TSHR: variants seen among roughly 807,000 people sequenced by gnomAD.
TSHR encodes the protein thyroid stimulating hormone receptor.
In TSHR, 51 loss-of-function variants were observed where a neutral mutation model predicts 64.1. That is an observed-to-expected ratio of 0.80 (90% CI 0.64 to 1.01). TSHR has a LOEUF of 1.01. Ranked by LOEUF, TSHR falls within the 50% of genes least tolerant of loss-of-function variation. The probability of loss-of-function intolerance (pLI) is 0.00; values close to 1 mark genes in which losing one functional copy is unlikely to be tolerated. For missense variants in TSHR, 877 were observed against 942.8 expected (o/e 0.93, Z 0.91); for synonymous variants, 361 against 361.9 (o/e 1.00, Z 0.03).
chr14:81,109,741 C>T (rs1362945584), intron 8 of TSHR, among the ~76,000 whole-genome samples: 1 of 152,174 alleles, frequency 6.6e-6, no homozygotes, highest in Non-Finnish European at 1.5e-5. Context: ...GTTCTCTTAA[C>T]ACATACGCTC....
intron 1 of TSHR, among the ~76,000 whole-genome samples, chr14:80,969,749 C>T (rs998118691): frequency 2.0e-5 from 3 of 152,114 alleles, no homozygotes; most frequent in Admixed American, 6.6e-5. Flanking sequence ...TGAGATTCAC[C>T]GCAAACCAGA....
rs1486682776 is a variant in TSHR, at chr14:81,139,801, T to C, written c.815T>C (p.Leu272Pro). The change falls in exon 9 of 10, where the codon CTC becomes CCC. Residue 272 changes from leucine to proline, a missense_variant. Coordinates refer to ENST00000298171, the MANE Select transcript of TSHR (RefSeq NM_000369.5). Reference sequence around the variant, plus strand: ...CCACTTTCCTTGAGTTTCCTTCACCTCACACGGGCTGACCTTTCTTACCCA... The same window carrying C: ...CCACTTTCCTTGAGTTTCCTTCACCCCACACGGGCTGACCTTTCTTACCCA... ...KLPLSLSFLHLTRADLSYPSH... is the reference protein window; with the variant it reads ...KLPLSLSFLHPTRADLSYPSH... The C allele has an allele frequency of 1.2e-6, 2 of 1,614,176 alleles. No individual in the cohort carries two copies. The highest frequency in any genetic ancestry group is 1.7e-6 in the Non-Finnish European group (2 of 1,180,044).
Position 81,139,790 on chromosome 14 carries a change from T to A in TSHR, c.804T>A (p.Ser268Arg). ...TTAAGAAACTTCCACTTTCCTTGAG[T>A]TTCCTTCACCTCACACGGGCTGACC... ...WTLKKLPLSL[S>R]FLHLTRADLS... Residue 268 changes from serine (S) to arginine (R), a missense_variant, in exon 9 of 10, where the codon AGT (serine) becomes AGA (arginine). Ser to Arg is a moderately radical substitution (Grantham distance 110, BLOSUM62 -1). Transcript: ENST00000298171. 1 of 1,614,128 alleles carries A rather than the reference T, an allele frequency of 6.2e-7. No individual in the cohort carries two copies. The highest frequency in any genetic ancestry group is 8.5e-7 in the Non-Finnish European group (1 of 1,180,028).
At chr14:81,115,161 C>T (rs1365160557) in intron 8 of TSHR, among the ~76,000 whole-genome samples, 23 of 152,124 alleles carry the variant, frequency 1.5e-4, no homozygotes, top group Non-Finnish European at 2.2e-4. Flanking sequence ...TCACCAGCAA[C>T]GGAACAAAGC....
chr14:81,049,154 A>G (rs1441887141), intron 1 of TSHR, among the ~76,000 whole-genome samples: 1 of 152,164 alleles, frequency 6.6e-6, no homozygotes, highest in African/African-American at 2.4e-5. Flanking sequence ...TATAGTTATT[A>G]AAGTGAGATT....
intron 8 of TSHR, among the ~76,000 whole-genome samples, chr14:81,132,245 G>A (rs1891278975): frequency 6.6e-6 from 1 of 152,142 alleles, no homozygotes; most frequent in South Asian, 2.1e-4. Flanking sequence ...CTACTTTCAT[G>A]ACAAGCAAAC....
chr14:80,984,770 T>C (rs1888351625), intron 1 of TSHR, among the ~76,000 whole-genome samples: 1 of 152,248 alleles, frequency 6.6e-6, no homozygotes, highest in East Asian at 1.9e-4. Flanking sequence ...AGATGGATTT[T>C]ATCTGGCAGT....
intron 1 of TSHR, among the ~76,000 whole-genome samples, chr14:81,000,776 G>GT (rs139686349): frequency 0.12 from 18,244 of 152,134 alleles, 1,386 homozygotes; most frequent in East Asian, 0.38. Context: ...TCTAAGGTTT[G>GT]TTTTTCCCTT....
At chr14:81,072,516 G>T (rs955367492) in intron 3 of TSHR, among the ~76,000 whole-genome samples, 5 of 151,978 alleles carry the variant, frequency 3.3e-5, no homozygotes, top group Non-Finnish European at 7.4e-5. Flanking sequence ...GTGGGGAATG[G>T]AATGAAATTA....
rs533357759 is a variant in TSHR at position 81,068,537 on chromosome 14, A to T, written c.317+209A>T. 9 of 548,866 alleles carry T rather than the reference A, an allele frequency of 1.6e-5. 1 individual carries two copies. Among genetic ancestry groups the T allele is most frequent in the Middle Eastern group, 2.9e-4 (1 of 3,442 alleles). The allele number at this position is 548,866 out of a possible 1,614,324, so 34.0% of individuals were successfully genotyped here. A position where few individuals can be genotyped will look rare whatever the true frequency, so the allele number is the denominator to read the frequency against. On this transcript the variant is annotated intron_variant, in intron 3 of 9. Coordinates refer to ENST00000298171, the MANE Select transcript of TSHR (RefSeq NM_000369.5). ...TCCATGGTTGGAAGTTAAAGACAAC[A>T]TTAAAAGTTCTGTTCTTGAACCACT...
chr14:81,040,769 A>G (rs1230285071), intron 1 of TSHR, among the ~76,000 whole-genome samples: 1 of 152,172 alleles, frequency 6.6e-6, no homozygotes, highest in Non-Finnish European at 1.5e-5. Flanking sequence ...TATGTATCTG[A>G]CAAAGGTCTA....
chr14:81,071,626 T>C (rs1332888480), intron 3 of TSHR, among the ~76,000 whole-genome samples: 1 of 151,944 alleles, frequency 6.6e-6, no homozygotes, highest in Non-Finnish European at 1.5e-5. Context: ...CTGAGCATGG[T>C]AGTGCAAACC....
intron 1 of TSHR, among the ~76,000 whole-genome samples, chr14:80,984,969 G>C (rs1003737215): frequency 6.6e-6 from 1 of 152,116 alleles, no homozygotes; most frequent in Non-Finnish European, 1.5e-5. Flanking sequence ...AATTGCTTTT[G>C]GCCGGGCGCG....
chr14:81,126,875 A>C (rs1891040793), intron 8 of TSHR, among the ~76,000 whole-genome samples: 1 of 152,200 alleles, frequency 6.6e-6, no homozygotes, highest in Non-Finnish European at 1.5e-5. Flanking sequence ...TCAGCCTTCC[A>C]ACCCCAAAAG....
intron 2 of TSHR, among the ~76,000 whole-genome samples, chr14:81,065,170 G>A (rs1031039414): frequency 6.6e-6 from 1 of 152,006 alleles, no homozygotes; most frequent in Admixed American, 6.6e-5. Flanking sequence ...CCCACAACAG[G>A]AGAGGCCAGG....
Position 81,011,879 on chromosome 14 carries a change from T to C in TSHR, c.171-50269T>C, listed in dbSNP as rs1033441753. Among the ~76,000 whole-genome samples the C allele has an allele frequency of 3.3e-5, 5 of 152,104 alleles. No individual in the cohort carries two copies. In the South Asian group the frequency reaches 1.0e-3, roughly 32 times the overall value. Reference sequence around the variant, plus strand: ...GTCTCAAAATAAATAAATAAATAAATAAATAAAAGCTTTTTCCTATCTAGT... The same window carrying C: ...GTCTCAAAATAAATAAATAAATAAACAAATAAAAGCTTTTTCCTATCTAGT... On this transcript the variant is annotated intron_variant, in intron 1 of 9. Transcript: ENST00000298171.
chr14:80,969,725 G>A (rs141472148), intron 1 of TSHR, among the ~76,000 whole-genome samples: 1 of 152,296 alleles, frequency 6.6e-6, no homozygotes, highest in Non-Finnish European at 1.5e-5. Context: ...GAGTCATCTA[G>A]TCTACCTGGG....
intron 1 of TSHR, among the ~76,000 whole-genome samples, chr14:81,018,800 A>T (rs1214567505): frequency 5.9e-5 from 9 of 152,156 alleles, no homozygotes; most frequent in Non-Finnish European, 8.8e-5. Flanking sequence ...TAGTCTGAAA[A>T]GTTGGTCACC....
At chr14:81,108,501 T>TTTTTTTTTTAC in intron 8 of TSHR, 49 bp downstream of exon 8, 2 of 1,504,826 alleles carry the variant, frequency 1.3e-6, no homozygotes, top group Non-Finnish European at 1.8e-6. Context: ...TTTCTTTTTT[T>TTTTTTTTTTAC]TTTTTTGGAA....
Sources: gnomAD v4.1 joint callset for allele counts (sites outside exome capture counted in the v4.1 genomes callset) on GRCh38, gnomAD v4.1.1 for gene constraint, MANE v1.5 for transcripts, NCBI Gene and HGNC (gene_info 2026-07-23, HGNC 2026-07-21) for gene names.